The following SETD3 variants were observed in gnomAD, a reference collection of about 807,000 sequenced individuals.
SETD3 encodes actin-histidine N-methyltransferase.
A neutral mutation model predicts 63.0 loss-of-function variants in SETD3; 19 were observed. The observed-to-expected ratio is 0.30, with a 90% CI of 0.21 to 0.44. The LOEUF is 0.44. Ranked by LOEUF, SETD3 falls within the 20% of genes least tolerant of loss-of-function variation. The probability of loss-of-function intolerance (pLI) is 1.00; values close to 1 mark genes in which losing one functional copy is unlikely to be tolerated. For missense variants in SETD3, 587 were observed against 728.5 expected (o/e 0.81, Z 2.24); for synonymous variants, 286 against 264.1 (o/e 1.08, Z -0.80).
chr14:99,457,951 A>G (rs1459114487), intron 6 of SETD3, among the ~76,000 whole-genome samples: 1 of 152,226 alleles, frequency 6.6e-6, no homozygotes, highest in Non-Finnish European at 1.5e-5. Flanking sequence ...TTATACACAG[A>G]GTAACTTATT....
intron 11 of SETD3, among the ~76,000 whole-genome samples, chr14:99,403,889 A>G (rs1177915740): frequency 6.6e-6 from 1 of 152,196 alleles, no homozygotes; most frequent in Non-Finnish European, 1.5e-5. Flanking sequence ...GTAAGTGAAA[A>G]AGACTAGTGC....
intron 8 of SETD3, among the ~76,000 whole-genome samples, chr14:99,410,884 C>T (rs762038015): frequency 1.3e-5 from 2 of 152,174 alleles, no homozygotes; most frequent in Non-Finnish European, 2.9e-5. Flanking sequence ...CAAATTCTAC[C>T]TACTCCCTGA....
intron 6 of SETD3, among the ~76,000 whole-genome samples, chr14:99,423,739 C>G (rs540016496): frequency 1.3e-5 from 2 of 151,874 alleles, no homozygotes; most frequent in Admixed American, 1.3e-4. Flanking sequence ...TTAAACTGAA[C>G]AGGGTAAAAT....
intron 6 of SETD3, among the ~76,000 whole-genome samples, chr14:99,434,293 G>A (rs1893347211): frequency 6.6e-6 from 1 of 152,102 alleles, no homozygotes; most frequent in South Asian, 2.1e-4. Context: ...AGAAGCCAGA[G>A]ACCAAGGAGT....
intron 6 of SETD3, among the ~76,000 whole-genome samples, chr14:99,415,527 C>A (rs989017782): frequency 6.6e-6 from 1 of 152,080 alleles, no homozygotes; most frequent in Non-Finnish European, 1.5e-5. Flanking sequence ...CAAAATGTTT[C>A]TCTTCCTGCT....
chr14:99,456,196 T>C (rs754895687), intron 6 of SETD3, among the ~76,000 whole-genome samples: 6 of 152,202 alleles, frequency 3.9e-5, no homozygotes, highest in South Asian at 2.1e-4. Flanking sequence ...AAAGAACTTA[T>C]ATGTGTGACC....
At chr14:99,402,827 G>C (rs1270305453) in intron 11 of SETD3, among the ~76,000 whole-genome samples, 1 of 152,236 alleles carries the variant, frequency 6.6e-6, no homozygotes, top group Non-Finnish European at 1.5e-5. Flanking sequence ...AACTGAGCAT[G>C]TACCAAATGT....
At chr14:99,441,599 G>T (rs150617045) in intron 6 of SETD3, among the ~76,000 whole-genome samples, 4 of 152,372 alleles carry the variant, frequency 2.6e-5, no homozygotes, top group Non-Finnish European at 2.9e-5. Flanking sequence ...TCTATGCCAA[G>T]GCTAGAAGAA....
At chr14:99,479,185 C>T (rs531215822) in intron 1 of SETD3, among the ~76,000 whole-genome samples, 1 of 152,202 alleles carries the variant, frequency 6.6e-6, no homozygotes, top group Non-Finnish European at 1.5e-5. Flanking sequence ...CTTACAATCA[C>T]TTGGAGGGCA....
intron 6 of SETD3, among the ~76,000 whole-genome samples, chr14:99,441,256 C>T (rs1221341612): frequency 6.6e-6 from 1 of 152,220 alleles, no homozygotes; most frequent in African/African-American, 2.4e-5. Flanking sequence ...CCACTTACGA[C>T]TGAACCACAG....
intron 8 of SETD3, chr14:99,410,275 G>C: frequency 6.2e-7 from 1 of 1,612,086 alleles, no homozygotes; most frequent in Non-Finnish European, 8.5e-7. Flanking sequence ...GGTGTGGGGG[G>C]ACAGGTTGTT....
At chr14:99,440,829 A>G (rs1893765143) in intron 6 of SETD3, among the ~76,000 whole-genome samples, 1 of 152,192 alleles carries the variant, frequency 6.6e-6, no homozygotes, top group African/African-American at 2.4e-5. Context: ...CACTTAAAAA[A>G]AAAAAGCAAC....
chr14:99,417,576 A>G (rs996557522), intron 6 of SETD3, among the ~76,000 whole-genome samples: 2 of 152,262 alleles, frequency 1.3e-5, no homozygotes, highest in Admixed American at 1.3e-4. Flanking sequence ...CTAAACAAAC[A>G]GTTAATATGT....
intron 6 of SETD3, chr14:99,444,513 TG>T (rs901941922): frequency 3.9e-5 from 6 of 152,154 alleles, no homozygotes; most frequent in African/African-American, 1.2e-4. Context: ...AATGAAAAAC[TG>T]AGATGATGGA....
chr14:99,440,568 C>T (rs929451938), intron 6 of SETD3, among the ~76,000 whole-genome samples: 2 of 152,004 alleles, frequency 1.3e-5, no homozygotes, highest in Non-Finnish European at 2.9e-5. Flanking sequence ...AGTCTCACTG[C>T]GGTCAGTGAG....
intron 6 of SETD3, among the ~76,000 whole-genome samples, chr14:99,414,908 C>T (rs1426842771): frequency 6.6e-6 from 1 of 152,236 alleles, no homozygotes; most frequent in Non-Finnish European, 1.5e-5. Context: ...GCAGTTTTCA[C>T]TCGTGACGCA....
At chr14:99,452,976 C>T (rs1387517621) in intron 6 of SETD3, among the ~76,000 whole-genome samples, 1 of 152,204 alleles carries the variant, frequency 6.6e-6, no homozygotes, top group Non-Finnish European at 1.5e-5. Context: ...AGCACCCTGC[C>T]AAATGATCTG....
chr14:99,409,376 A>G (rs1267194), intron 8 of SETD3, among the ~76,000 whole-genome samples: 10,642 of 152,196 alleles, frequency 0.07, 1,241 homozygotes, highest in African/African-American at 0.24. Context: ...AAGTGTGCCC[A>G]GGGGAGGGGA....
At chr14:99,413,828 C>T (rs779439912) in intron 7 of SETD3, 48 bp downstream of exon 7, 1 of 1,592,844 alleles carries the variant, frequency 6.3e-7, no homozygotes, top group Admixed American at 1.7e-5. Flanking sequence ...TCCCACTTCA[C>T]TTAGAAACCA....
Sources: gnomAD v4.1 joint callset for allele counts (sites outside exome capture counted in the v4.1 genomes callset) on GRCh38, gnomAD v4.1.1 for gene constraint, MANE v1.5 for transcripts, NCBI Gene and HGNC (gene_info 2026-07-23, HGNC 2026-07-21) for gene names.